ELAVL2: variants seen among roughly 807,000 people sequenced by gnomAD.
ELAVL2 encodes the protein ELAV like RNA binding protein 2.
In ELAVL2, 4 loss-of-function variants were observed where a neutral mutation model predicts 34.6. That is an observed-to-expected ratio of 0.12 (90% CI 0.06 to 0.26). ELAVL2 has a LOEUF of 0.26. Among genes scored for constraint, ELAVL2 ranks in the 10% least tolerant of loss-of-function variants. The pLI is 1.00. For missense variants in ELAVL2, 432 were observed against 442.8 expected (o/e 0.98, Z 0.22); for synonymous variants, 193 against 154.8 (o/e 1.25, Z -1.83).
chr9:23,727,414 G>A (rs543846918), intron 3 of ELAVL2, among the ~76,000 whole-genome samples: 186 of 152,198 alleles, frequency 1.2e-3, no homozygotes, highest in Non-Finnish European at 1.7e-3. Context: ...CGCCCAGCAT[G>A]CTCAAGAAAA....
chr9:23,768,794 G>C (rs894710351), intron 1 of ELAVL2, among the ~76,000 whole-genome samples: 1 of 152,136 alleles, frequency 6.6e-6, no homozygotes, highest in Non-Finnish European at 1.5e-5. Flanking sequence ...CCAACTTCAG[G>C]AAAATGGCAA....
chr9:23,790,123 T>C lies in ELAVL2; in HGVS notation c.-15-27874A>G, dbSNP rs549171697. ...ACAAATTTTCTCCTAAATCATTCTT[T>C]GGTTAGAGGACCAATGTAAAAGAGG... On this transcript the variant is annotated intron_variant, in intron 1 of 6. Coordinates refer to ENST00000397312, the MANE Select transcript of ELAVL2 (RefSeq NM_004432.5). 2.6e-5 allele frequency among the ~76,000 whole-genome samples: 4 copies of C among 152,056 alleles called. No individual in the cohort carries two copies. In the South Asian group the frequency reaches 6.2e-4, roughly 24 times the overall value.
chr9:23,843,862 A>G, the ELAVL2 span, among the ~76,000 whole-genome samples: 2 of 151,972 alleles, frequency 1.3e-5, no homozygotes, highest in East Asian at 1.9e-4. Context: ...AACATAATCA[A>G]TATATTAAAG....
chr9:23,745,012 C>A (rs1166434804), intron 2 of ELAVL2, among the ~76,000 whole-genome samples: 2 of 152,042 alleles, frequency 1.3e-5, no homozygotes, highest in African/African-American at 4.8e-5. Flanking sequence ...CAAGACTAGC[C>A]TAGGCAACAA....
At position 23,794,870 on chromosome 9, in the gene ELAVL2, A is replaced by T. The variant is rs1263264695; in HGVS notation, c.-16+30936T>A. Among the ~76,000 whole-genome samples the T allele has an allele frequency of 3.3e-5, 5 of 152,192 alleles. No individual in the cohort carries two copies. In the East Asian group the frequency reaches 9.6e-4, roughly 29 times the overall value. On this transcript the variant is annotated intron_variant, in intron 1 of 6. Transcript: ENST00000397312. ...ATCTTCTCTTGTTTTAATAATAAGTAGAGAGCCAGGACCATACAAATTAGG... is the reference window on the plus strand; with the variant it reads ...ATCTTCTCTTGTTTTAATAATAAGTTGAGAGCCAGGACCATACAAATTAGG...
At chr9:23,777,036 C>G (rs143632150) in intron 1 of ELAVL2, among the ~76,000 whole-genome samples, 2 of 152,226 alleles carry the variant, frequency 1.3e-5, no homozygotes, top group East Asian at 3.9e-4. Flanking sequence ...CAACTTCATC[C>G]TATGTAAAGT....
chr9:23,790,631 G>T (rs1401117230), intron 1 of ELAVL2, among the ~76,000 whole-genome samples: 1 of 152,172 alleles, frequency 6.6e-6, no homozygotes, highest in Non-Finnish European at 1.5e-5. Context: ...TGATTACCTT[G>T]AATAGACAGC....
chr9:23,833,398 A>C, the ELAVL2 span, among the ~76,000 whole-genome samples: 1 of 151,904 alleles, frequency 6.6e-6, no homozygotes, highest in African/African-American at 2.4e-5. Flanking sequence ...AAATATGCAC[A>C]CAATGGACAG....
At chr9:23,818,972 A>C (rs2064129209) in intron 1 of ELAVL2, among the ~76,000 whole-genome samples, 1 of 152,240 alleles carries the variant, frequency 6.6e-6, no homozygotes. Context: ...TTCAGCAAAG[A>C]AAGAGGAAAA....
chr9:23,730,663 C>T (rs1226328488), intron 3 of ELAVL2, among the ~76,000 whole-genome samples: 1 of 152,050 alleles, frequency 6.6e-6, no homozygotes, highest in Non-Finnish European at 1.5e-5. Flanking sequence ...GAATGCATGG[C>T]TCGCAAAACC....
intron 3 of ELAVL2, among the ~76,000 whole-genome samples, chr9:23,708,932 C>A (rs2040171575): frequency 6.6e-6 from 1 of 152,130 alleles, no homozygotes; most frequent in African/African-American, 2.4e-5. Flanking sequence ...GCCACCACGC[C>A]CGGCTCCATT....
chr9:23,765,671 G>T (rs924144514), intron 1 of ELAVL2, among the ~76,000 whole-genome samples: 1 of 152,146 alleles, frequency 6.6e-6, no homozygotes, highest in Non-Finnish European at 1.5e-5. Context: ...TGCCACTACA[G>T]TCAAACGGTT....
chr9:23,725,155 G>T (rs1216158957), intron 3 of ELAVL2, among the ~76,000 whole-genome samples: 2 of 152,002 alleles, frequency 1.3e-5, no homozygotes, highest in Admixed American at 1.3e-4. Flanking sequence ...CTTCCTCTCC[G>T]AATAAATACT....
At chr9:23,709,541 G>A (rs557041179) in intron 3 of ELAVL2, among the ~76,000 whole-genome samples, 36 of 152,070 alleles carry the variant, frequency 2.4e-4, no homozygotes, top group Non-Finnish European at 5.3e-4. Flanking sequence ...AAAGTGTTAA[G>A]TATCTTTTTG....
At chr9:23,746,865 A>G (rs1314625992) in intron 2 of ELAVL2, among the ~76,000 whole-genome samples, 1 of 152,028 alleles carries the variant, frequency 6.6e-6, no homozygotes, top group African/African-American at 2.4e-5. Flanking sequence ...CAAATAAATG[A>G]CTGCATCCAA....
chr9:23,770,540 G>A (rs2057118120), intron 1 of ELAVL2, among the ~76,000 whole-genome samples: 1 of 152,204 alleles, frequency 6.6e-6, no homozygotes, highest in East Asian at 1.9e-4. Flanking sequence ...TTCCTTATAA[G>A]TGAAAGAGGA....
chr9:23,799,430 C>G (rs2061333223), intron 1 of ELAVL2, among the ~76,000 whole-genome samples: 1 of 152,180 alleles, frequency 6.6e-6, no homozygotes. Flanking sequence ...GGACTAGAAC[C>G]TAGATGTCCC....
rs10717104 is a variant in ELAVL2 at position 23,816,317 on chromosome 9, TAA to T, written c.-16+9487_-16+9488del. ...GAAAGTGTGTACTAAAAGCTTTCAGTAAAAAAAAAAAAAAAAAAAAAAAAAAA... is the reference window on the plus strand; with the variant it reads ...GAAAGTGTGTACTAAAAGCTTTCAGTAAAAAAAAAAAAAAAAAAAAAAAAA... On this transcript the variant is annotated intron_variant, in intron 1 of 6. Coordinates refer to ENST00000397312, the MANE Select transcript of ELAVL2 (RefSeq NM_004432.5). 9.0e-3 allele frequency among the ~76,000 whole-genome samples: 404 copies of T among 44,660 alleles called. 3 individuals are homozygous for T. The highest frequency in any genetic ancestry group is 0.022 in the African/African-American group (238 of 10,800). The allele number at this position is 44,660 out of a possible 152,430, so 29.3% of individuals were successfully genotyped here.
At position 23,818,012 on chromosome 9, in the gene ELAVL2, C is replaced by G. The variant is rs188493570; in HGVS notation, c.-16+7794G>C. Among the ~76,000 whole-genome samples the G allele has an allele frequency of 1.4e-3, 219 of 152,256 alleles. 1 individual carries two copies. The highest frequency in any genetic ancestry group is 4.6e-3 in the Admixed American group (70 of 15,286). Reference sequence around the variant, plus strand: ...TAGCACTATAAACCGTCTAGTATCTCGAACCAAATAAATATACAATAAATG... The same window carrying G: ...TAGCACTATAAACCGTCTAGTATCTGGAACCAAATAAATATACAATAAATG... On this transcript the variant is annotated intron_variant, in intron 1 of 6. Coordinates refer to ENST00000397312, the MANE Select transcript of ELAVL2 (RefSeq NM_004432.5).
Sources: gnomAD v4.1 joint callset for allele counts (sites outside exome capture counted in the v4.1 genomes callset) on GRCh38, gnomAD v4.1.1 for gene constraint, MANE v1.5 for transcripts, NCBI Gene and HGNC (gene_info 2026-07-23, HGNC 2026-07-21) for gene names.